Variants in XRCC4 observed in about 807,000 individuals in gnomAD.
XRCC4 encodes the protein X-ray repair cross complementing 4.
Under a neutral mutation model 39.1 loss-of-function variants are expected in XRCC4, and 28 were observed. The ratio of observed to expected loss-of-function variants is 0.72; its 90% CI spans 0.53 to 0.98. The LOEUF is 0.98. XRCC4 is among the 50% of genes least tolerant of loss of function. XRCC4 has a pLI of 0.00. For synonymous variants in XRCC4, 123 were observed against 126.4 expected (o/e 0.97, Z 0.18); for missense variants, 350 against 376.4 (o/e 0.93, Z 0.58).
intron 3 of XRCC4, among the ~76,000 whole-genome samples, chr5:83,134,767 C>T (rs573627590): frequency 1.1e-4 from 17 of 152,252 alleles, no homozygotes; most frequent in East Asian, 3.9e-4. Context: ...TCTTTGGGTT[C>T]GCTCTGCCTT....
chr5:83,365,708 T>C, the XRCC4 span, among the ~76,000 whole-genome samples: 2 of 152,180 alleles, frequency 1.3e-5, no homozygotes, highest in Non-Finnish European at 2.9e-5. Flanking sequence ...ACAAATTTCA[T>C]TATTAGGAAA....
At chr5:83,177,007 TATAA>T (rs1047653143) in intron 3 of XRCC4, among the ~76,000 whole-genome samples, 1 of 152,290 alleles carries the variant, frequency 6.6e-6, no homozygotes, top group Non-Finnish European at 1.5e-5. Flanking sequence ...TTCTTAATAT[TATAA>T]ATAAAGCAGT....
intron 6 of XRCC4, among the ~76,000 whole-genome samples, chr5:83,222,571 C>G (rs1282133327): frequency 6.6e-6 from 1 of 151,974 alleles, no homozygotes; most frequent in East Asian, 1.9e-4. Context: ...CCCTCATTTT[C>G]TTCTTAATTT....
chr5:83,216,451 T>C (rs1392268135), intron 6 of XRCC4, among the ~76,000 whole-genome samples: 1 of 152,156 alleles, frequency 6.6e-6, no homozygotes, highest in African/African-American at 2.4e-5. Flanking sequence ...ACCTAGCTAT[T>C]CTACTTCTAA....
chr5:83,275,302 T>TG (rs1754287220), intron 7 of XRCC4, among the ~76,000 whole-genome samples: 1 of 151,460 alleles, frequency 6.6e-6, no homozygotes, highest in Non-Finnish European at 1.5e-5. Flanking sequence ...TTAGGTTTTT[T>TG]TTTTTTTTTT....
intron 1 of XRCC4, among the ~76,000 whole-genome samples, chr5:83,099,997 T>A (rs1412691330): frequency 2.0e-5 from 3 of 152,188 alleles, no homozygotes; most frequent in Non-Finnish European, 4.4e-5. Context: ...TGTTTTGTAT[T>A]TGATATTTTG....
chr5:83,333,422 C>G (rs994669333), intron 7 of XRCC4, among the ~76,000 whole-genome samples: 1 of 152,136 alleles, frequency 6.6e-6, no homozygotes, highest in Admixed American at 6.6e-5. Flanking sequence ...ACTCTGAATC[C>G]TATGAAAAAC....
chr5:83,141,117 A>C (rs1748150845), intron 3 of XRCC4, among the ~76,000 whole-genome samples: 1 of 152,152 alleles, frequency 6.6e-6, no homozygotes, highest in Admixed American at 6.5e-5. Context: ...TCTGGAAATC[A>C]CTCCATATCA....
chr5:83,367,059 T>A, the XRCC4 span, among the ~76,000 whole-genome samples: 1 of 152,314 alleles, frequency 6.6e-6, no homozygotes, highest in South Asian at 2.1e-4. Flanking sequence ...ACAACTTTGT[T>A]GCCTAGAACG....
intron 7 of XRCC4, among the ~76,000 whole-genome samples, chr5:83,264,649 A>G (rs1753891380): frequency 6.6e-6 from 1 of 152,058 alleles, no homozygotes; most frequent in African/African-American, 2.4e-5. Flanking sequence ...GAGACCTGGT[A>G]CTCTGTGTCG....
At chr5:83,241,563 T>G (rs12515149) in intron 6 of XRCC4, among the ~76,000 whole-genome samples, 8,595 of 152,184 alleles carry the variant, frequency 0.056, 887 homozygotes, top group East Asian at 0.48. Context: ...GTTCAAAACT[T>G]TTTACTGAGA....
chr5:83,278,387 C>T (rs1754409185), intron 7 of XRCC4, among the ~76,000 whole-genome samples: 1 of 152,064 alleles, frequency 6.6e-6, no homozygotes, highest in Admixed American at 6.6e-5. Context: ...TGTCTTAGTC[C>T]ATTTTTACTG....
intron 3 of XRCC4, among the ~76,000 whole-genome samples, chr5:83,159,590 C>T (rs1199839052): frequency 6.6e-6 from 1 of 152,144 alleles, no homozygotes; most frequent in African/African-American, 2.4e-5. Flanking sequence ...CTCACATGAC[C>T]TTGTTTCACA....
intron 7 of XRCC4, among the ~76,000 whole-genome samples, chr5:83,272,298 A>G (rs1754169017): frequency 6.6e-6 from 1 of 151,672 alleles, no homozygotes; most frequent in East Asian, 1.9e-4. Flanking sequence ...TTAAAGTCAT[A>G]CCCCCCCAAA....
intron 1 of XRCC4, among the ~76,000 whole-genome samples, chr5:83,094,300 TCCCTCCCCTTCCCTC>T: frequency 8.4e-6 from 1 of 118,534 alleles, no homozygotes; most frequent in Non-Finnish European, 1.7e-5. Context: ...CCTTTCCCGT[TCCCTCCCCTTCCCTC>T]CCCTCCCCTC....
At chr5:83,198,444 T>C (rs1019042552) in intron 4 of XRCC4, among the ~76,000 whole-genome samples, 16 of 152,126 alleles carry the variant, frequency 1.1e-4, no homozygotes, top group Non-Finnish European at 2.4e-4. Flanking sequence ...GTTGATCATA[T>C]ATTAAGGTGA....
At position 83,203,662 on chromosome 5, in the gene XRCC4, T is replaced by G. The variant is rs760651711; in HGVS notation, c.593T>G (p.Leu198Ter). 4 of 1,609,906 alleles carry G rather than the reference T, an allele frequency of 2.5e-6. No individual in the cohort carries two copies. The South Asian group carries it at 4.4e-5, about 18-fold the overall frequency. Residue 198 changes from leucine to a stop codon, truncating the protein, a stop_gained, in exon 5 of 8, where the codon TTA becomes TGA. Transcript: ENST00000396027. LOFTEE classifies it high-confidence loss of function. ...KTKIRSLHNKLLNAAQEREKD... is the reference protein window; with the variant it reads ...KTKIRSLHNK ...AAAATCAGAAGTTTGCATAATAAAT[T>G]ATTAAATGCAGCTCAAGAACGAGAA... is the stretch of plus-strand genomic sequence containing the variant.
In XRCC4 at chr5:83,118,450, GTCAGTGTGCCCA is replaced by G. The variant is rs1746846914; in HGVS notation, c.315+7248_315+7259del. 8.5e-5 allele frequency among the ~76,000 whole-genome samples: 13 copies of G among 152,282 alleles called. No homozygotes were observed. In the South Asian group the frequency reaches 2.7e-3, roughly 32 times the overall value. On this transcript the variant is annotated intron_variant, in intron 3 of 7. Transcript: ENST00000396027. ...CCAAAGCACTGGATTACAGGCATGA[GTCAGTGTGCCCA>G]ACAGTCTACTTTGTAATTTTTAACA...
At chr5:83,259,478 C>T (rs778165898) in intron 7 of XRCC4, 2 of 151,860 alleles carry the variant, frequency 1.3e-5, no homozygotes, top group East Asian at 3.9e-4. Flanking sequence ...TCCATAAGGT[C>T]GTCCCTTCTT....
Sources: gnomAD v4.1 joint callset for allele counts (sites outside exome capture counted in the v4.1 genomes callset) on GRCh38, gnomAD v4.1.1 for gene constraint, MANE v1.5 for transcripts, NCBI Gene and HGNC (gene_info 2026-07-23, HGNC 2026-07-21) for gene names.